Variants in NCKAP5 observed in about 807,000 individuals in gnomAD.
NCKAP5 encodes the protein NCK associated protein 5.
A neutral mutation model predicts 167.0 loss-of-function variants in NCKAP5; 92 were observed. The ratio of observed to expected loss-of-function variants is 0.55; its 90% confidence interval spans 0.47 to 0.66. NCKAP5 has a LOEUF of 0.66. NCKAP5 is among the 30% of genes least tolerant of loss of function. The pLI is 0.00. For synonymous variants in NCKAP5, 891 were observed against 877.4 expected, an observed-to-expected ratio of 1.02 and a Z score of -0.27; for missense variants, 2,378 against 2,315.0, an observed-to-expected ratio of 1.03 and a Z score of -0.56.
intron 1 of NCKAP5, among the ~76,000 whole-genome samples, chr2:133,564,701 G>A (rs1688421448): frequency 6.6e-6 from 1 of 152,112 alleles, no homozygotes; most frequent in South Asian, 2.1e-4. Context: ...CAGAATGCAG[G>A]ACCGCAGTCT....
chr2:133,187,417 T>C (rs2084995533), intron 5 of NCKAP5, among the ~76,000 whole-genome samples: 1 of 152,076 alleles, frequency 6.6e-6, no homozygotes, highest in African/African-American at 2.4e-5. Context: ...AATCCAGGCA[T>C]GCTGGCATGC....
chr2:133,214,022 G>C (rs2086322454), intron 4 of NCKAP5, among the ~76,000 whole-genome samples: 1 of 152,138 alleles, frequency 6.6e-6, no homozygotes, highest in Non-Finnish European at 1.5e-5. Context: ...GTGAGTAGAT[G>C]CTTTGCTTTT....
intron 5 of NCKAP5, among the ~76,000 whole-genome samples, chr2:133,181,821 T>C (rs935123711): frequency 6.6e-6 from 1 of 151,980 alleles, no homozygotes; most frequent in East Asian, 1.9e-4. Context: ...TTTGTACTTG[T>C]ACAGTGGATT....
At chr2:133,027,667 G>A (rs76823195) in intron 6 of NCKAP5, among the ~76,000 whole-genome samples, 117 of 152,176 alleles carry the variant, frequency 7.7e-4, no homozygotes, top group African/African-American at 2.7e-3. Flanking sequence ...GTTCCTTCCA[G>A]TTTGAAACTT....
At chr2:133,296,703 T>C (rs1393892343) in intron 4 of NCKAP5, among the ~76,000 whole-genome samples, 1 of 152,232 alleles carries the variant, frequency 6.6e-6, no homozygotes, top group Non-Finnish European at 1.5e-5. Flanking sequence ...AATACCTTCT[T>C]TTCACAGATA....
At chr2:133,155,715 A>G (rs1313154297) in intron 5 of NCKAP5, among the ~76,000 whole-genome samples, 1 of 152,224 alleles carries the variant, frequency 6.6e-6, no homozygotes, top group Non-Finnish European at 1.5e-5. Context: ...GTGGGCCTCA[A>G]CCAATCAACT....
intron 5 of NCKAP5, among the ~76,000 whole-genome samples, chr2:133,212,150 C>T (rs147300860): frequency 2.2e-4 from 33 of 152,276 alleles, no homozygotes; most frequent in African/African-American, 7.0e-4. Flanking sequence ...AACTGACCTA[C>T]GAAAGTTAAG....
the NCKAP5 span, among the ~76,000 whole-genome samples, chr2:133,576,269 G>A: frequency 6.6e-6 from 1 of 152,126 alleles, no homozygotes; most frequent in African/African-American, 2.4e-5. Context: ...AATAAAGATT[G>A]TCATATCTGC....
At chr2:132,968,258 C>T (rs1205817317) in intron 7 of NCKAP5, among the ~76,000 whole-genome samples, 2 of 152,106 alleles carry the variant, frequency 1.3e-5, no homozygotes, top group East Asian at 1.9e-4. Context: ...ATCCTGACTG[C>T]TGCAATGGAG....
chr2:132,700,308 T>A (rs1191304921), intron 19 of NCKAP5, among the ~76,000 whole-genome samples: 2 of 152,250 alleles, frequency 1.3e-5, no homozygotes, highest in Admixed American at 6.5e-5. Flanking sequence ...TCTTTTGCTG[T>A]GCCGAAGCTC....
intron 8 of NCKAP5, among the ~76,000 whole-genome samples, chr2:132,904,179 T>C (rs1693834320): frequency 6.6e-6 from 1 of 151,846 alleles, no homozygotes; most frequent in Non-Finnish European, 1.5e-5. Context: ...TCCCAGCTAC[T>C]TGGGAGGCTG....
intron 3 of NCKAP5, among the ~76,000 whole-genome samples, chr2:133,494,261 G>A (rs972029407): frequency 1.3e-5 from 2 of 152,128 alleles, no homozygotes; most frequent in Non-Finnish European, 1.5e-5. Flanking sequence ...CAACAACACT[G>A]CTATCAAGGC....
intron 8 of NCKAP5, among the ~76,000 whole-genome samples, chr2:132,899,448 T>C (rs1393573987): frequency 6.6e-5 from 10 of 152,266 alleles, no homozygotes; most frequent in Non-Finnish European, 1.5e-5. Flanking sequence ...GTACCACTGT[T>C]AAATTCCTTC....
intron 8 of NCKAP5, among the ~76,000 whole-genome samples, chr2:132,921,228 C>T (rs1340608164): frequency 6.6e-6 from 1 of 152,056 alleles, no homozygotes; most frequent in Non-Finnish European, 1.5e-5. Context: ...TCTCTCCAAT[C>T]TCCTCTGTTG....
intron 6 of NCKAP5, among the ~76,000 whole-genome samples, chr2:133,051,248 CT>C (rs1367976848): frequency 1.3e-5 from 2 of 152,142 alleles, no homozygotes; most frequent in Non-Finnish European, 2.9e-5. Context: ...TAATTAAACT[CT>C]TTTTCTTTAA....
intron 5 of NCKAP5, among the ~76,000 whole-genome samples, chr2:133,169,523 C>A (rs2084147204): frequency 6.6e-6 from 1 of 152,144 alleles, no homozygotes; most frequent in Non-Finnish European, 1.5e-5. Context: ...CCAGAGCTTC[C>A]CTTTTTGTGA....
At chr2:132,869,804 A>G (rs978004567) in intron 9 of NCKAP5, among the ~76,000 whole-genome samples, 1 of 152,226 alleles carries the variant, frequency 6.6e-6, no homozygotes, top group East Asian at 1.9e-4. Context: ...AACAACAGTC[A>G]CATATTAAGG....
intron 4 of NCKAP5, among the ~76,000 whole-genome samples, chr2:133,271,967 TA>T (rs1387519251): frequency 6.6e-6 from 1 of 152,172 alleles, no homozygotes; most frequent in African/African-American, 2.4e-5. Context: ...TGTGTGCAGA[TA>T]AATATTTTAT....
At chr2:132,728,767 AT>A in intron 18 of NCKAP5, 48 bp downstream of exon 18, 1 of 1,593,678 alleles carries the variant, frequency 6.3e-7, no homozygotes, top group African/African-American at 1.4e-5. Flanking sequence ...ACTTTTTAGA[AT>A]CAGGACCAAC....
Sources: gnomAD v4.1 joint callset for allele counts (sites outside exome capture counted in the v4.1 genomes callset) on GRCh38, gnomAD v4.1.1 for gene constraint, MANE v1.5 for transcripts, NCBI Gene and HGNC (gene_info 2026-07-23, HGNC 2026-07-21) for gene names.